ARHGAP6: variants seen among roughly 807,000 people sequenced by gnomAD.
The protein encoded by ARHGAP6 is rho GTPase-activating protein 6.
In ARHGAP6, 16 loss-of-function variants were observed where a neutral mutation model predicts 55.7. The ratio of observed to expected loss-of-function variants is 0.29; its 90% confidence interval spans 0.19 to 0.44. ARHGAP6 has a LOEUF of 0.44. Among genes scored for constraint, ARHGAP6 ranks in the 20% least tolerant of loss-of-function variants. The probability of loss-of-function intolerance (pLI) is 1.00; values close to 1 mark genes in which losing one functional copy is unlikely to be tolerated. For missense variants in ARHGAP6, 698 were observed against 808.9 expected (o/e 0.86, Z 1.66); for synonymous variants, 382 against 360.9 (o/e 1.06, Z -0.66).
At chrX:11,168,558 C>T (rs181936378) in intron 9 of ARHGAP6, among the ~76,000 whole-genome samples, 1 of 111,266 alleles carries the variant, frequency 9.0e-6, no homozygotes, top group East Asian at 2.8e-4. Context: ...AAATCTAATG[C>T]AAAGCACTTG....
At chrX:11,285,783 C>G (rs780245500) in intron 1 of ARHGAP6, among the ~76,000 whole-genome samples, 55 of 112,365 alleles carry the variant, frequency 4.9e-4, no homozygotes, top group Non-Finnish European at 7.5e-4. Flanking sequence ...GCTTCCTTCA[C>G]TTACACAATT....
rs965556123 is a variant in ARHGAP6, at chrX:11,365,145, A to G, written c.589-110438T>C. Among the ~76,000 whole-genome samples the G allele has an allele frequency of 4.5e-5, 5 of 112,155 alleles. No homozygotes were observed. The East Asian group carries it at 1.4e-3, about 31-fold the overall frequency. ...TACTTCTCCCTCTGATCAGTGTCAC[A>G]TCTCAATGTGATGTCTGAAACTGAT... is the stretch of plus-strand genomic sequence containing the variant. On this transcript the variant is annotated intron_variant, in intron 1 of 12. Coordinates refer to ENST00000337414, the MANE Select transcript of ARHGAP6 (RefSeq NM_013427.3).
chrX:11,591,891 G>A (rs1322218553), intron 1 of ARHGAP6, among the ~76,000 whole-genome samples: 1 of 111,596 alleles, frequency 9.0e-6, no homozygotes, highest in East Asian at 2.8e-4. Flanking sequence ...GTTTCTTGGG[G>A]GTAGGGAAAT....
intron 1 of ARHGAP6, among the ~76,000 whole-genome samples, chrX:11,628,261 C>A (rs1339478023): frequency 3.6e-5 from 4 of 111,989 alleles, no homozygotes; most frequent in Non-Finnish European, 7.5e-5. Flanking sequence ...ATTGTGCTGT[C>A]ATGGCTAAGC....
In ARHGAP6 at chrX:11,664,520, G is replaced by C; in HGVS notation, c.309C>G (p.Phe103Leu). The C allele has an allele frequency of 8.3e-7, 1 of 1,204,350 alleles. No homozygotes were observed. The highest frequency in any genetic ancestry group is 1.1e-6 in the Non-Finnish European group (1 of 891,486). Reference sequence around the variant, plus strand: ...TCTCCTGCGGGGTGCTGGGTGTGGAGAAGGACGAGCAAAGAGGTCCAGGAG... The same window carrying C: ...TCTCCTGCGGGGTGCTGGGTGTGGACAAGGACGAGCAAAGAGGTCCAGGAG... ...LPPPGPLCSS[F>L]STPSTPQEKS... Residue 103 changes from phenylalanine (F) to leucine (L), a missense_variant, in exon 1 of 13, where the codon TTC becomes TTG. Coordinates refer to ENST00000337414, the MANE Select transcript of ARHGAP6 (RefSeq NM_013427.3).
chrX:11,174,645 T>TTC (rs1309917754), intron 8 of ARHGAP6, among the ~76,000 whole-genome samples: 5 of 83,653 alleles, frequency 6.0e-5, no homozygotes, highest in African/African-American at 1.5e-4. Flanking sequence ...CTTTCTTTCT[T>TTC]TCTTTCTTTC....
intron 1 of ARHGAP6, among the ~76,000 whole-genome samples, chrX:11,549,373 C>T (rs1362842778): frequency 2.7e-5 from 3 of 112,008 alleles, no homozygotes; most frequent in Non-Finnish European, 5.6e-5. Context: ...AAAATACTTG[C>T]AAACTATTCA....
At chrX:11,165,840 T>A (rs2046009817) in intron 9 of ARHGAP6, among the ~76,000 whole-genome samples, 1 of 111,565 alleles carries the variant, frequency 9.0e-6, no homozygotes, top group South Asian at 3.9e-4. Flanking sequence ...CCCATCCCAG[T>A]GCTACTCAAT....
chrX:11,400,372 G>A (rs2049532798), intron 1 of ARHGAP6, among the ~76,000 whole-genome samples: 1 of 110,067 alleles, frequency 9.1e-6, no homozygotes, highest in African/African-American at 3.3e-5. Context: ...ATTGGATTTA[G>A]GTTTAAGGAG....
At chrX:11,348,349 C>G (rs934105957) in intron 1 of ARHGAP6, among the ~76,000 whole-genome samples, 2 of 112,127 alleles carry the variant, frequency 1.8e-5, no homozygotes, top group African/African-American at 6.5e-5. Flanking sequence ...GTGGGAAGTA[C>G]AAATGTAAAA....
intron 1 of ARHGAP6, among the ~76,000 whole-genome samples, chrX:11,496,958 T>C (rs1278728100): frequency 8.9e-6 from 1 of 111,992 alleles, no homozygotes; most frequent in Non-Finnish European, 1.9e-5. Context: ...CCCTACAAGT[T>C]GTGGTGACTA....
intron 10 of ARHGAP6, chrX:11,148,697 C>T (rs1298630433): frequency 5.4e-6 from 2 of 372,930 alleles, no homozygotes; most frequent in Admixed American, 2.5e-5. Flanking sequence ...GCCTGCACTG[C>T]AGCCGGAAGC....
intron 2 of ARHGAP6, among the ~76,000 whole-genome samples, chrX:11,212,267 C>T (rs1336855069): frequency 8.9e-6 from 1 of 111,846 alleles, no homozygotes; most frequent in Admixed American, 9.5e-5. Flanking sequence ...GCCCTTTCCT[C>T]TGAGTAGTCC....
chrX:11,225,674 AT>A, intron 2 of ARHGAP6: 1 of 632,115 alleles, frequency 1.6e-6, no homozygotes, highest in Non-Finnish European at 2.4e-6. Context: ...TCTAGAGAAT[AT>A]TTCAAGAGCA....
intron 1 of ARHGAP6, among the ~76,000 whole-genome samples, chrX:11,418,173 C>T: frequency 9.0e-6 from 1 of 111,706 alleles, no homozygotes; most frequent in Non-Finnish European, 1.9e-5. Context: ...ATATGGTCTC[C>T]AAAGAAGCAG....
At position 11,651,549 on chromosome X, in the gene ARHGAP6, G is replaced by A. The variant is rs763997138; in HGVS notation, c.588+12692C>T. ...TTTATCCAGTCTATCATTGACAGTC[G>A]TTTAGGTTGATTCCATGTCTTTGCT... On this transcript the variant is annotated intron_variant, in intron 1 of 12. Transcript: ENST00000337414. Among the ~76,000 whole-genome samples the A allele has an allele frequency of 8.9e-5, 10 of 112,018 alleles. No individual in the cohort carries two copies. In the South Asian group the frequency reaches 3.4e-3, roughly 38 times the overall value.
intron 1 of ARHGAP6, among the ~76,000 whole-genome samples, chrX:11,364,488 C>G (rs2049050556): frequency 9.0e-6 from 1 of 111,152 alleles, no homozygotes; most frequent in Admixed American, 9.6e-5. Context: ...CCTCCTTCTT[C>G]CAAAGAGAGG....
intron 1 of ARHGAP6, among the ~76,000 whole-genome samples, chrX:11,339,767 C>T (rs1316943073): frequency 9.0e-6 from 1 of 111,245 alleles, no homozygotes; most frequent in Admixed American, 9.5e-5. Flanking sequence ...CATCTCCAAA[C>T]GGATGTCTAA....
intron 1 of ARHGAP6, among the ~76,000 whole-genome samples, chrX:11,496,504 T>G (rs1569366915): frequency 8.9e-6 from 1 of 112,343 alleles, no homozygotes; most frequent in Non-Finnish European, 1.9e-5. Flanking sequence ...AATTATCAAG[T>G]GTTCCTCATT....
Sources: gnomAD v4.1 joint callset for allele counts (sites outside exome capture counted in the v4.1 genomes callset) on GRCh38, gnomAD v4.1.1 for gene constraint, MANE v1.5 for transcripts, NCBI Gene and HGNC (gene_info 2026-07-23, HGNC 2026-07-21) for gene names.